Variants in DYNC1LI1 observed in about 807,000 individuals in gnomAD.
DYNC1LI1 encodes cytoplasmic dynein 1 light intermediate chain 1.
A neutral mutation model predicts 63.8 loss-of-function variants in DYNC1LI1; 19 were observed. The ratio of observed to expected loss-of-function variants is 0.30; its 90% CI spans 0.21 to 0.44. DYNC1LI1 has a LOEUF of 0.44. DYNC1LI1 is among the 20% of genes least tolerant of loss of function. The pLI is 1.00. For missense variants in DYNC1LI1, 565 were observed against 630.2 expected (o/e 0.90, Z 1.11); for synonymous variants, 225 against 232.3 (o/e 0.97, Z 0.28).
intron 2 of DYNC1LI1, among the ~76,000 whole-genome samples, chr3:32,564,183 A>G (rs552218096): frequency 6.6e-6 from 1 of 152,316 alleles, no homozygotes; most frequent in East Asian, 1.9e-4. Flanking sequence ...GTGGGACTAC[A>G]GTCCTGTATA....
At chr3:32,538,082 A>AT (rs1697823824) in intron 5 of DYNC1LI1, among the ~76,000 whole-genome samples, 6 of 92,316 alleles carry the variant, frequency 6.5e-5, no homozygotes, top group African/African-American at 4.1e-5. Context: ...TATATATATA[A>AT]AATTTATATA....
chr3:32,526,925 GA>G lies in DYNC1LI1; in HGVS notation c.1463-18del, dbSNP rs750632491. ...GCTTCTGGCCTACATTGAAGAAAAA[GA>G]AAAAAAACAAGATTTAGATATAAGT... On this transcript the variant is annotated intron_variant, in intron 12 of 12. Transcript: ENST00000273130. The G allele has an allele frequency of 1.9e-6, 3 of 1,549,286 alleles. No individual in the cohort carries two copies. The highest frequency in any genetic ancestry group is 2.6e-6 in the Non-Finnish European group (3 of 1,134,518).
rs1262759856 is a variant in DYNC1LI1, at chr3:32,570,190, C to T, written c.220+156G>A. On this transcript the variant is annotated intron_variant, in intron 2 of 12. Coordinates refer to ENST00000273130, the MANE Select transcript of DYNC1LI1 (RefSeq NM_016141.4). Reference sequence around the variant, plus strand: ...GTCCTGGGTCAAGGGTCTCGTGTTCCCCTTCTCTCCCAGCCATCCGCGACA... The same window carrying T: ...GTCCTGGGTCAAGGGTCTCGTGTTCTCCTTCTCTCCCAGCCATCCGCGACA... The T allele has an allele frequency of 4.1e-6, 3 of 736,374 alleles. No homozygotes were observed. In the South Asian group the frequency reaches 4.5e-5, roughly 11 times the overall value. The allele number at this position is 736,374 out of a possible 1,614,324, so 45.6% of individuals were successfully genotyped here.
chr3:32,559,575 A>G (rs947824400), intron 2 of DYNC1LI1, among the ~76,000 whole-genome samples: 12 of 152,250 alleles, frequency 7.9e-5, no homozygotes, highest in African/African-American at 2.6e-4. Flanking sequence ...TTTAAAAAAT[A>G]TAACAATAAA....
At chr3:32,566,755 A>ACAAG (rs947787271) in intron 2 of DYNC1LI1, 5 of 434,488 alleles carry the variant, frequency 1.2e-5, no homozygotes, top group Non-Finnish European at 2.3e-5. Flanking sequence ...AAACAAACAA[A>ACAAG]CAAACAAAAA....
chr3:32,536,506 G>A (rs112861563), intron 6 of DYNC1LI1, among the ~76,000 whole-genome samples: 4 of 152,218 alleles, frequency 2.6e-5, no homozygotes, highest in African/African-American at 9.6e-5. Context: ...AGATTTTCCA[G>A]GAAGGTTTCT....
At chr3:32,540,960 C>T (rs1697871771) in intron 5 of DYNC1LI1, 77 bp downstream of exon 5, 4 of 1,221,304 alleles carry the variant, frequency 3.3e-6, no homozygotes, top group African/African-American at 1.5e-5. Flanking sequence ...TGTGTTAACT[C>T]CAAAAAACCT....
intron 4 of DYNC1LI1, among the ~76,000 whole-genome samples, chr3:32,544,049 G>T (rs1347928432): frequency 6.6e-6 from 1 of 152,006 alleles, no homozygotes; most frequent in Non-Finnish European, 1.5e-5. Flanking sequence ...CTGGGCAACA[G>T]TGTGGGACCC....
chr3:32,544,758 A>AT, intron 4 of DYNC1LI1, 118 bp downstream of exon 4: 1 of 690,542 alleles, frequency 1.4e-6, no homozygotes, highest in Non-Finnish European at 2.4e-6. Flanking sequence ...AAAAAAAAAA[A>AT]GTACTTACAA....
chr3:32,537,998 T>TA (rs1559436412), intron 5 of DYNC1LI1, among the ~76,000 whole-genome samples: 1 of 47,754 alleles, frequency 2.1e-5, no homozygotes, highest in Admixed American at 4.0e-4. Flanking sequence ...TATATATAAT[T>TA]TATATATATA....
intron 11 of DYNC1LI1, 30 bp downstream of exon 11, chr3:32,529,510 T>G: frequency 6.3e-7 from 1 of 1,575,284 alleles, no homozygotes; most frequent in South Asian, 1.2e-5. Context: ...TAAAATGTAT[T>G]GTCTTGTTAT....
Position 32,545,019 on chromosome 3 carries a change from T to C in DYNC1LI1, c.425A>G (p.Lys142Arg). The change falls in exon 4 of 13, where the codon AAG (lysine) becomes AGG (arginine). Residue 142 changes from lysine (K) to arginine (R), a missense_variant. Physicochemically the swap from Lys to Arg is conservative, Grantham distance 26. Coordinates refer to ENST00000273130, the MANE Select transcript of DYNC1LI1 (RefSeq NM_016141.4). ...LKFSLDAVSL[K>R]DTLVMLVVDM... ...AACAACCAGCATAACTAGAGTATCC[T>C]TCAGAGATACGGCATCCAGTGAAAA... 4 of 1,614,044 alleles carry C rather than the reference T, an allele frequency of 2.5e-6. No individual in the cohort carries two copies. In the Middle Eastern group the frequency reaches 6.6e-4, roughly 266 times the overall value.
intron 2 of DYNC1LI1, among the ~76,000 whole-genome samples, chr3:32,558,801 G>A (rs549706232): frequency 6.6e-6 from 1 of 151,072 alleles, no homozygotes; most frequent in Admixed American, 6.6e-5. Context: ...AGCCAAGATC[G>A]CACCATTGCA....
At chr3:32,549,075 C>T (rs1697996908) in intron 2 of DYNC1LI1, among the ~76,000 whole-genome samples, 1 of 151,966 alleles carries the variant, frequency 6.6e-6, no homozygotes, top group Non-Finnish European at 1.5e-5. Flanking sequence ...CTTTCTATTA[C>T]TAAACCCAAC....
intron 2 of DYNC1LI1, among the ~76,000 whole-genome samples, chr3:32,561,491 T>C (rs1698192907): frequency 6.6e-6 from 1 of 151,862 alleles, no homozygotes; most frequent in African/African-American, 2.4e-5. Context: ...TAGCCAGGCG[T>C]GGTGGCACAC....
chr3:32,567,361 C>T (rs1361361483), intron 2 of DYNC1LI1, among the ~76,000 whole-genome samples: 2 of 152,106 alleles, frequency 1.3e-5, no homozygotes, highest in African/African-American at 4.8e-5. Flanking sequence ...ACTACACATA[C>T]ATGACCCTTT....
At chr3:32,540,846 T>C (rs973854781) in intron 5 of DYNC1LI1, among the ~76,000 whole-genome samples, 191 bp downstream of exon 5, 1 of 152,216 alleles carries the variant, frequency 6.6e-6, no homozygotes, top group Admixed American at 6.5e-5. Flanking sequence ...TAACATTTTC[T>C]TTCAAAGAAA....
intron 6 of DYNC1LI1, 37 bp downstream of exon 6, chr3:32,536,974 T>C: frequency 2.5e-6 from 3 of 1,191,172 alleles, no homozygotes; most frequent in Non-Finnish European, 3.7e-6. Context: ...ACAGGTAAAG[T>C]GATACACTGA....
Position 32,528,571 on chromosome 3 carries a change from T to G in DYNC1LI1, c.1337A>C (p.Asn446Thr). ...TTTACTCAACAAACTGTTGAAGAAA[T>G]TTGCCAGAACGCCTTCACTTGTAGC... ...AGATSEGVLA[N>T]FFNSLLSKKT... Residue 446 changes from asparagine (N) to threonine (T), a missense_variant, in exon 12 of 13, where the codon AAT becomes ACT. Asn to Thr is a moderately conservative substitution (Grantham distance 65, BLOSUM62 0). Coordinates refer to ENST00000273130, the MANE Select transcript of DYNC1LI1 (RefSeq NM_016141.4). The G allele has an allele frequency of 6.8e-6, 11 of 1,612,558 alleles. No homozygotes were observed. Among genetic ancestry groups the G allele is most frequent in the Non-Finnish European group, 9.3e-6 (11 of 1,179,362 alleles).
Sources: gnomAD v4.1 joint callset for allele counts (sites outside exome capture counted in the v4.1 genomes callset) on GRCh38, gnomAD v4.1.1 for gene constraint, MANE v1.5 for transcripts, NCBI Gene and HGNC (gene_info 2026-07-23, HGNC 2026-07-21) for gene names.